Variants in BCAP29 observed in about 807,000 individuals in gnomAD.
The protein encoded by BCAP29 is B cell receptor associated protein 29.
Under a neutral mutation model 31.8 loss-of-function variants are expected in BCAP29, and 34 were observed. The observed-to-expected ratio is 1.07, with a 90% CI of 0.81 to 1.42. The LOEUF (loss-of-function observed/expected upper bound fraction) is 1.42, where lower values mean the gene tolerates loss of function less well. BCAP29 is among the 40% of genes most tolerant of loss of function. The pLI, the probability that BCAP29 is intolerant of heterozygous loss-of-function variation, is 0.00. For missense variants in BCAP29, 314 were observed against 269.2 expected (o/e 1.17, Z -1.16); for synonymous variants, 104 against 91.3 (o/e 1.14, Z -0.79).
chr7:107,580,767 A>T lies in BCAP29; in HGVS notation c.-6A>T. ...AGTGTTTTTCCATTTAGGTGTGAAG[A>T]AAAAAATGACACTCCAATGGGCTGC... On this transcript the variant is annotated 5_prime_UTR_variant, in exon 2 of 8. Coordinates refer to ENST00000005259, the MANE Select transcript of BCAP29 (RefSeq NM_018844.4). 1.3e-6 allele frequency: 2 copies of T among 1,591,188 alleles called. No individual in the cohort carries two copies. The highest frequency in any genetic ancestry group is 1.7e-6 in the Non-Finnish European group (2 of 1,169,716).
intron 6 of BCAP29, among the ~76,000 whole-genome samples, chr7:107,601,998 A>G (rs1442588765): frequency 1.3e-5 from 2 of 152,202 alleles, no homozygotes; most frequent in Non-Finnish European, 2.9e-5. Context: ...TAAATCTGGC[A>G]TAAAACTTAA....
At chr7:107,599,526 A>C (rs1585139762) in intron 5 of BCAP29, among the ~76,000 whole-genome samples, 1 of 145,854 alleles carries the variant, frequency 6.9e-6, no homozygotes, top group East Asian at 2.0e-4. Context: ...TTTCTTAAAA[A>C]AAAAAAAAGA....
In BCAP29 at chr7:107,618,309, CAT is replaced by C. The variant is rs1814553397; in HGVS notation, c.691-16_691-15del. On this transcript the variant is annotated splice_polypyrimidine_tract_variant and intron_variant, in intron 7 of 7. Transcript: ENST00000005259. ...TTTCTCTTTGCTGTACTACATAAAT[CAT>C]ATTTTTTTCCTTACAGGATCGTTTA... is the stretch of plus-strand genomic sequence containing the variant. 6.5e-7 allele frequency: 1 copy of C among 1,536,930 alleles called. No homozygotes were observed.
intron 5 of BCAP29, among the ~76,000 whole-genome samples, chr7:107,596,312 G>A (rs899094970): frequency 5.3e-5 from 8 of 152,050 alleles, no homozygotes; most frequent in South Asian, 2.1e-4. Flanking sequence ...CTTCATTACC[G>A]TTAAGTTTAC....
intron 4 of BCAP29, among the ~76,000 whole-genome samples, chr7:107,595,469 G>C (rs1260031405): frequency 6.6e-6 from 1 of 152,184 alleles, no homozygotes; most frequent in Non-Finnish European, 1.5e-5. Context: ...AAACGGATGT[G>C]AATGAGCTGT....
rs766977316 is a variant in BCAP29, at chr7:107,613,648, T to C, written c.690+216T>C. Reference sequence around the variant, plus strand: ...TTTAAGGAATTGCTGACTTGCATACTTACAGCATTCCAGTTTTGGTGAATT... The same window carrying C: ...TTTAAGGAATTGCTGACTTGCATACCTACAGCATTCCAGTTTTGGTGAATT... On this transcript the variant is annotated intron_variant, in intron 7 of 7. Transcript: ENST00000005259. 3 of 1,609,586 alleles carry C rather than the reference T, an allele frequency of 1.9e-6. No homozygotes were observed. The South Asian group carries it at 3.3e-5, about 18-fold the overall frequency.
At position 107,595,695 on chromosome 7, in the gene BCAP29, C is replaced by T. The variant is rs554658649; in HGVS notation, c.345-172C>T. 22 of 552,538 alleles carry T rather than the reference C, an allele frequency of 4.0e-5. No homozygotes were observed. In the East Asian group the frequency reaches 5.2e-4, roughly 13 times the overall value. 34.2% of individuals were successfully genotyped at this position (552,538 alleles called of 1,614,324 possible). A position where few individuals can be genotyped will look rare whatever the true frequency, so the allele number is the denominator to read the frequency against. Reference sequence around the variant, plus strand: ...ACAAAGATTCCAAAGGAATGAGACACGGGCCTGTTTTTACTAAGAGACTTG... The same window carrying T: ...ACAAAGATTCCAAAGGAATGAGACATGGGCCTGTTTTTACTAAGAGACTTG... On this transcript the variant is annotated intron_variant, in intron 4 of 7. Transcript: ENST00000005259.
chr7:107,614,235 G>A (rs1030855654), intron 7 of BCAP29, among the ~76,000 whole-genome samples: 3 of 152,146 alleles, frequency 2.0e-5, no homozygotes, highest in Non-Finnish European at 2.9e-5. Context: ...ACATTTCCCT[G>A]CATCTTAATG....
intron 3 of BCAP29, among the ~76,000 whole-genome samples, chr7:107,586,441 G>A (rs115599602): frequency 6.6e-6 from 1 of 152,264 alleles, no homozygotes; most frequent in Middle Eastern, 3.4e-3. Context: ...AATTCCCAGA[G>A]AACAAGGACA....
intron 5 of BCAP29, among the ~76,000 whole-genome samples, chr7:107,596,486 T>C (rs1306238505): frequency 1.3e-5 from 2 of 152,228 alleles, no homozygotes; most frequent in Admixed American, 6.5e-5. Context: ...AAATCTTTAA[T>C]GTTATTCCTT....
At chr7:107,595,814 AAT>A in intron 4 of BCAP29, 51 bp from the exon 5 acceptor site, 1 of 1,566,830 alleles carries the variant, frequency 6.4e-7, no homozygotes, top group Non-Finnish European at 8.6e-7. Context: ...ACTGTTTTAA[AAT>A]AAGTTTCTGG....
Position 107,620,258 on chromosome 7 carries a change from C to T in BCAP29, c.*1895C>T, listed in dbSNP as rs1361078338. Reference sequence around the variant, plus strand: ...GTCTAGAATTTAGATATCCTGATCCCCCAGATACCGCTCTTCTGGTTATAC... The same window carrying T: ...GTCTAGAATTTAGATATCCTGATCCTCCAGATACCGCTCTTCTGGTTATAC... On this transcript the variant is annotated 3_prime_UTR_variant, in exon 8 of 8. Transcript: ENST00000005259. 6.6e-6 allele frequency: 1 copy of T among 152,128 alleles called. No individual in the cohort carries two copies. Among genetic ancestry groups the T allele is most frequent in the Non-Finnish European group, 1.5e-5 (1 of 68,034 alleles). The allele number at this position is 152,128 out of a possible 1,614,324, so 9.4% of individuals were successfully genotyped here.
intron 6 of BCAP29, among the ~76,000 whole-genome samples, chr7:107,604,486 C>G (rs1309875049): frequency 6.6e-6 from 1 of 152,130 alleles, no homozygotes; most frequent in African/African-American, 2.4e-5. Flanking sequence ...TTTCCAGTTT[C>G]TTACAAATGA....
chr7:107,598,603 T>C (rs1346041806), intron 5 of BCAP29, among the ~76,000 whole-genome samples: 1 of 152,190 alleles, frequency 6.6e-6, no homozygotes, highest in Non-Finnish European at 1.5e-5. Context: ...TACAGCACCT[T>C]ACATTGTAAA....
At chr7:107,614,785 G>A (rs1813818276) in intron 7 of BCAP29, among the ~76,000 whole-genome samples, 1 of 152,210 alleles carries the variant, frequency 6.6e-6, no homozygotes, top group Non-Finnish European at 1.5e-5. Context: ...TGAGGGCTCA[G>A]TTCACATGGC....
chr7:107,621,841 C>A (rs780469963), downstream of BCAP29: 2 of 529,024 alleles, frequency 3.8e-6, no homozygotes, highest in South Asian at 2.8e-5. Context: ...GCCTCCAGAA[C>A]TATGGGAATA....
rs1305658579 is a variant in BCAP29, at chr7:107,608,484, T to TTGTG, written c.590-4845_590-4844insGTGT. On this transcript the variant is annotated intron_variant, in intron 6 of 7. Coordinates refer to ENST00000005259, the MANE Select transcript of BCAP29 (RefSeq NM_018844.4). ...TTTGTTTGTTTGTTTGTTTGTTTGT[T>TTGTG]TGTTTCATTTTTGGAGCACTTCCTT... Among the ~76,000 whole-genome samples the TTGTG allele has an allele frequency of 3.7e-4, 56 of 151,310 alleles. 8 individuals carry two copies. Among genetic ancestry groups the TTGTG allele is most frequent in the Admixed American group, 9.9e-4 (15 of 15,208 alleles).
intron 3 of BCAP29, 29 bp downstream of exon 3, chr7:107,584,011 A>T: frequency 7.8e-7 from 1 of 1,276,148 alleles, no homozygotes; most frequent in Non-Finnish European, 1.1e-6. Context: ...CTTTGAATAA[A>T]TATAACTTTT....
At chr7:107,598,020 C>CA (rs1439470738) in intron 5 of BCAP29, among the ~76,000 whole-genome samples, 1 of 152,116 alleles carries the variant, frequency 6.6e-6, no homozygotes, top group Non-Finnish European at 1.5e-5. Flanking sequence ...TTTCAGATTT[C>CA]AGTGTTCTTG....
Sources: allele counts gnomAD v4.1 joint callset (sites outside exome capture counted in the v4.1 genomes callset), GRCh38; gene constraint gnomAD v4.1.1; transcripts MANE v1.5; gene names NCBI Gene and HGNC (gene_info 2026-07-23, HGNC 2026-07-21).